Variants in NPNT observed in about 807,000 individuals in gnomAD.
NPNT encodes nephronectin.
A neutral mutation model predicts 68.6 loss-of-function variants in NPNT; 45 were observed. The observed-to-expected ratio is 0.66, with a 90% CI of 0.52 to 0.84. NPNT has a LOEUF of 0.84. Ranked by LOEUF, NPNT falls within the 40% of genes least tolerant of loss-of-function variation. The probability of loss-of-function intolerance (pLI) is 0.00; values close to 1 mark genes in which losing one functional copy is unlikely to be tolerated. For missense variants in NPNT, 672 were observed against 714.8 expected (o/e 0.94, Z 0.68); for synonymous variants, 233 against 253.3 (o/e 0.92, Z 0.76).
chr4:105,938,489 G>A lies in NPNT; in HGVS notation c.505+69G>A. ...ATAAAGGGAGAAAGTGAAAGGTGAT[G>A]GGAATAAGGAAAAAAAAGGCAATTA... On this transcript the variant is annotated intron_variant, in intron 5 of 11. Transcript: ENST00000379987. 7.2e-6 allele frequency: 11 copies of A among 1,521,282 alleles called. 1 individual carries two copies. The highest frequency in any genetic ancestry group is 2.0e-5 in the Admixed American group (1 of 50,272). 94.2% of individuals were successfully genotyped at this position (1,521,282 alleles called of 1,614,324 possible).
Position 105,942,633 on chromosome 4 carries a change from C to A in NPNT, c.1090C>A (p.Pro364Thr), listed in dbSNP as rs746490024. Residue 364 changes from proline (P) to threonine (T), a missense_variant, in exon 8 of 12, where the codon CCT becomes ACT. Pro to Thr is a conservative substitution (Grantham distance 38). Transcript: ENST00000379987. ...LTTIAPAAST[P>T]PGGITVDNRV... ...AACTATAGCACCAGCTGCCAGTACA[C>A]CTCCAGGAGGGATTACAGTTGACAA... The A allele has an allele frequency of 6.2e-7, 1 of 1,613,976 alleles. No individual in the cohort carries two copies. Among genetic ancestry groups the A allele is most frequent in the Non-Finnish European group, 8.5e-7 (1 of 1,179,954 alleles).
At position 105,938,296 on chromosome 4, in the gene NPNT, T is replaced by A; in HGVS notation, c.386-5T>A. The A allele has an allele frequency of 6.2e-7, 1 of 1,612,220 alleles. No homozygotes were observed. Among genetic ancestry groups the A allele is most frequent in the Non-Finnish European group, 8.5e-7 (1 of 1,179,288 alleles). ...GTCTGAGTCAGCCAGTCACTCTCTT[T>A]CCAGGTGCCCTGACCTGCTCCATGG... On this transcript the variant is annotated splice_region_variant and splice_polypyrimidine_tract_variant and intron_variant, in intron 4 of 11. Coordinates refer to ENST00000379987, the MANE Select transcript of NPNT (RefSeq NM_001033047.3).
chr4:105,953,841 G>C (rs1032229490), intron 8 of NPNT, among the ~76,000 whole-genome samples: 14 of 152,150 alleles, frequency 9.2e-5, no homozygotes, highest in African/African-American at 3.1e-4. Context: ...GAACTGGCCT[G>C]GGTAATGCCA....
At chr4:105,931,511 A>G (rs1357104359) in intron 3 of NPNT, among the ~76,000 whole-genome samples, 2 of 151,978 alleles carry the variant, frequency 1.3e-5, no homozygotes, top group African/African-American at 2.4e-5. Flanking sequence ...GTGGTTACCT[A>G]CAGCCGTAGG....
Position 105,895,730 on chromosome 4 carries a change from T to C in NPNT, c.71+7T>C, listed in dbSNP as rs1200878994. 3.2e-6 allele frequency: 5 copies of C among 1,551,302 alleles called. No homozygotes were observed. The highest frequency in any genetic ancestry group is 3.9e-5 in the Admixed American group (2 of 51,150). ...CCGCCGAGTTCGACGGGAGGTGAGC[T>C]GGGCCCCGGGGCGCCCTCTCCTCCT... is the stretch of plus-strand genomic sequence containing the variant. On this transcript the variant is annotated splice_region_variant and intron_variant, in intron 1 of 11. Coordinates refer to ENST00000379987, the MANE Select transcript of NPNT (RefSeq NM_001033047.3).
At position 105,940,065 on chromosome 4, in the gene NPNT, A is replaced by G; in HGVS notation, c.506-10A>G. Reference sequence around the variant, plus strand: ...GCTCTTCCTAAAATGCTATTGACTTATGTTTCTAGATGTTGATGAATGTGC... The same window carrying G: ...GCTCTTCCTAAAATGCTATTGACTTGTGTTTCTAGATGTTGATGAATGTGC... On this transcript the variant is annotated splice_polypyrimidine_tract_variant and intron_variant, in intron 5 of 11. Transcript: ENST00000379987. 1 of 1,612,108 alleles carries G rather than the reference A, an allele frequency of 6.2e-7. No individual in the cohort carries two copies. The highest frequency in any genetic ancestry group is 1.1e-5 in the South Asian group (1 of 91,040).
In NPNT at chr4:105,942,631, C is replaced by T. The variant is rs373315142; in HGVS notation, c.1088C>T (p.Thr363Ile). The change falls in exon 8 of 12, where the codon ACA becomes ATA. Residue 363 changes from threonine to isoleucine, a missense_variant. Transcript: ENST00000379987. Reference sequence around the variant, plus strand: ...ACAACTATAGCACCAGCTGCCAGTACACCTCCAGGAGGGATTACAGTTGAC... The same window carrying T: ...ACAACTATAGCACCAGCTGCCAGTATACCTCCAGGAGGGATTACAGTTGAC... ...GLTTIAPAASTPPGGITVDNR... is the reference protein window; with the variant it reads ...GLTTIAPAASIPPGGITVDNR... The T allele has an allele frequency of 4.0e-5, 65 of 1,613,906 alleles. No homozygotes were observed. Among genetic ancestry groups the T allele is most frequent in the Non-Finnish European group, 5.3e-5 (63 of 1,179,988 alleles).
chr4:105,950,930 G>A (rs1730782856), intron 8 of NPNT, among the ~76,000 whole-genome samples: 1 of 152,178 alleles, frequency 6.6e-6, no homozygotes, highest in Admixed American at 6.5e-5. Flanking sequence ...GCTGTTCTCA[G>A]TCTTTAATGT....
In NPNT at chr4:105,895,742, C is replaced by T. The variant is rs998169803; in HGVS notation, c.71+19C>T. 3 of 1,546,774 alleles carry T rather than the reference C, an allele frequency of 1.9e-6. No homozygotes were observed. In the African/African-American group the frequency reaches 4.1e-5, roughly 21 times the overall value. ...ACGGGAGGTGAGCTGGGCCCCGGGG[C>T]GCCCTCTCCTCCTTCCCGCGCTAAT... On this transcript the variant is annotated intron_variant, in intron 1 of 11. Transcript: ENST00000379987.
At position 105,970,563 on chromosome 4, in the gene NPNT, T is replaced by C; in HGVS notation, c.*1573T>C. On this transcript the variant is annotated 3_prime_UTR_variant, in exon 12 of 12. Transcript: ENST00000379987. ...AGCTGTTCTCCATATGCACTAAGAA[T>C]AGAACAAGAGGAAACTGGCTTAGAC... The C allele has an allele frequency of 2.9e-6, 2 of 679,224 alleles. No individual in the cohort carries two copies. The highest frequency in any genetic ancestry group is 2.7e-6 in the Non-Finnish European group (1 of 369,222). The allele number at this position is 679,224 out of a possible 1,614,324, so 42.1% of individuals were successfully genotyped here.
intron 2 of NPNT, among the ~76,000 whole-genome samples, chr4:105,922,732 T>TTTTCTAG: frequency 6.6e-6 from 1 of 152,266 alleles, no homozygotes; most frequent in South Asian, 2.1e-4. Context: ...AAAACAATGA[T>TTTTCTAG]TTAGAGGTTA....
chr4:105,926,627 A>G (rs1560907844), intron 2 of NPNT, among the ~76,000 whole-genome samples: 3 of 152,240 alleles, frequency 2.0e-5, no homozygotes, highest in African/African-American at 7.2e-5. Flanking sequence ...CAGTGAAAAT[A>G]TTTGAGTGAT....
At chr4:105,918,451 CTGTAA>C (rs1377538902) in intron 2 of NPNT, among the ~76,000 whole-genome samples, 2 of 152,138 alleles carry the variant, frequency 1.3e-5, no homozygotes, top group Admixed American at 1.3e-4. Flanking sequence ...GAAAGAAATA[CTGTAA>C]TGTATTTCAT....
At position 105,970,260 on chromosome 4, in the gene NPNT, G is replaced by A. The variant is rs375367541; in HGVS notation, c.*1270G>A. On this transcript the variant is annotated 3_prime_UTR_variant, in exon 12 of 12. Transcript: ENST00000379987. The stretch of plus-strand genomic sequence containing the variant: ...TTCTAAGATCCATGAACCCCCAACT[G>A]TATTTCCTCCCTGCATATTTTACCA... The A allele has an allele frequency of 5.6e-3, 3,235 of 578,198 alleles. 141 individuals are homozygous for A. The South Asian group carries it at 0.064, about 11-fold the overall frequency. The allele number at this position is 578,198 out of a possible 1,614,324, so 35.8% of individuals were successfully genotyped here.
At chr4:105,910,790 A>G (rs574775257) in intron 2 of NPNT, among the ~76,000 whole-genome samples, 1 of 152,302 alleles carries the variant, frequency 6.6e-6, no homozygotes, top group African/African-American at 2.4e-5. Context: ...AGGCTAATTT[A>G]TGCCAAGTAG....
chr4:105,898,588 T>A (rs1010321521), intron 2 of NPNT, among the ~76,000 whole-genome samples: 1 of 152,144 alleles, frequency 6.6e-6, no homozygotes, highest in Non-Finnish European at 1.5e-5. Flanking sequence ...TTGACAGTGT[T>A]TTAAATGGAC....
intron 3 of NPNT, among the ~76,000 whole-genome samples, chr4:105,928,805 A>G (rs527476615): frequency 6.6e-6 from 1 of 152,168 alleles, no homozygotes; most frequent in East Asian, 1.9e-4. Flanking sequence ...ACTATCCCTT[A>G]CATACTTACT....
chr4:105,959,599 C>T (rs1731526015), intron 10 of NPNT, among the ~76,000 whole-genome samples: 1 of 147,782 alleles, frequency 6.8e-6, no homozygotes, highest in Non-Finnish European at 1.5e-5. Flanking sequence ...TGATTATCCT[C>T]TGAAAAAATT....
intron 2 of NPNT, among the ~76,000 whole-genome samples, chr4:105,914,371 CTCTATA>C: frequency 7.8e-6 from 1 of 128,940 alleles, no homozygotes; most frequent in East Asian, 2.2e-4. Context: ...CTCTCTCTCT[CTCTATA>C]TATATAATAT....
Sources: gnomAD v4.1 joint callset for allele counts (sites outside exome capture counted in the v4.1 genomes callset) on GRCh38, gnomAD v4.1.1 for gene constraint, MANE v1.5 for transcripts, NCBI Gene and HGNC (gene_info 2026-07-23, HGNC 2026-07-21) for gene names.